Variants in MED27 observed in about 807,000 individuals in gnomAD.
MED27 encodes mediator complex subunit 27.
In MED27, 30 loss-of-function variants were observed where a neutral mutation model predicts 38.2. The observed-to-expected ratio is 0.79, with a 90% confidence interval of 0.59 to 1.07. MED27 has a LOEUF of 1.07. Ranked by LOEUF, MED27 falls within the 50% of genes least tolerant of loss-of-function variation. The pLI is 0.00. For missense variants in MED27, 289 were observed against 397.5 expected (o/e 0.73, Z 2.32); for synonymous variants, 122 against 153.5 (o/e 0.79, Z 1.52).
At chr9:131,967,445 G>C (rs1831373167) in intron 3 of MED27, among the ~76,000 whole-genome samples, 3 of 151,638 alleles carry the variant, frequency 2.0e-5, no homozygotes, top group Admixed American at 6.6e-5. Context: ...TGCACTTACG[G>C]CAGAGTCTCC....
At chr9:131,882,582 G>A (rs182168315) in intron 6 of MED27, among the ~76,000 whole-genome samples, 164 of 152,280 alleles carry the variant, frequency 1.1e-3, no homozygotes, top group Non-Finnish European at 1.4e-3. Flanking sequence ...TGTAAATCCC[G>A]TCAGTGGTTT....
chr9:132,072,788 C>G (rs1393381950), intron 2 of MED27, among the ~76,000 whole-genome samples: 1 of 152,040 alleles, frequency 6.6e-6, no homozygotes, highest in Non-Finnish European at 1.5e-5. Flanking sequence ...GATTTTCTCT[C>G]CTATTATATT....
intron 4 of MED27, among the ~76,000 whole-genome samples, chr9:131,919,894 C>T (rs184604977): frequency 5.3e-4 from 81 of 151,784 alleles, no homozygotes; most frequent in East Asian, 4.3e-3. Flanking sequence ...CTGCAACCTC[C>T]ACCTCCGGGG....
intron 3 of MED27, among the ~76,000 whole-genome samples, chr9:131,950,833 G>C (rs557152336): frequency 1.3e-5 from 2 of 152,216 alleles, no homozygotes; most frequent in Admixed American, 1.3e-4. Context: ...CAATAAACAT[G>C]TGGTGAACGG....
chr9:132,078,049 T>C (rs1361316039), intron 1 of MED27, among the ~76,000 whole-genome samples: 1 of 152,194 alleles, frequency 6.6e-6, no homozygotes, highest in African/African-American at 2.4e-5. Flanking sequence ...ACATGATGCT[T>C]CACAGATGGT....
chr9:132,058,689 T>C (rs750290441), intron 2 of MED27, among the ~76,000 whole-genome samples: 9 of 152,222 alleles, frequency 5.9e-5, no homozygotes, highest in Non-Finnish European at 1.2e-4. Context: ...AACAGACTCC[T>C]ATAGAAGGTC....
At chr9:132,020,718 T>TCC (rs1832699105) in intron 2 of MED27, among the ~76,000 whole-genome samples, 1 of 152,228 alleles carries the variant, frequency 6.6e-6, no homozygotes, top group Non-Finnish European at 1.5e-5. Flanking sequence ...TCTGGTATTA[T>TCC]CTGTGCCAAG....
intron 4 of MED27, among the ~76,000 whole-genome samples, chr9:131,901,295 G>T (rs980706294): frequency 6.6e-6 from 1 of 152,222 alleles, no homozygotes; most frequent in Admixed American, 6.5e-5. Context: ...TCTGTACTGT[G>T]TGCAACACTG....
intron 5 of MED27, among the ~76,000 whole-genome samples, chr9:131,888,478 C>T (rs1405145265): frequency 1.3e-5 from 2 of 151,732 alleles, no homozygotes; most frequent in African/African-American, 4.8e-5. Context: ...CTTCTGGGAG[C>T]ATAGTTCTGC....
chr9:131,896,629 C>A (rs1829836909), intron 4 of MED27, among the ~76,000 whole-genome samples: 1 of 151,976 alleles, frequency 6.6e-6, no homozygotes, highest in African/African-American at 2.4e-5. Flanking sequence ...AGATAATCAC[C>A]ATTAACATTT....
At chr9:132,040,447 G>A (rs764660392) in intron 2 of MED27, among the ~76,000 whole-genome samples, 3 of 152,174 alleles carry the variant, frequency 2.0e-5, no homozygotes, top group Admixed American at 1.3e-4. Flanking sequence ...GGTCTTAGGC[G>A]GCTCCACATG....
chr9:131,950,732 ATAGTCATT>A (rs1268481528), intron 3 of MED27, among the ~76,000 whole-genome samples: 1 of 152,212 alleles, frequency 6.6e-6, no homozygotes, highest in African/African-American at 2.4e-5. Context: ...AGTAAGTTTG[ATAGTCATT>A]CATCAGACAA....
chr9:131,886,228 G>A (rs1368979932), intron 5 of MED27, among the ~76,000 whole-genome samples: 2 of 152,174 alleles, frequency 1.3e-5, no homozygotes. Context: ...TTCACAATTA[G>A]TTTCATGAAA....
At position 132,055,027 on chromosome 9, in the gene MED27, A is replaced by G. The variant is rs1481511905; in HGVS notation, c.348+22415T>C. Among the ~76,000 whole-genome samples, 3 of 151,834 alleles carry G rather than the reference A, an allele frequency of 2.0e-5. No homozygotes were observed. In the East Asian group the frequency reaches 5.8e-4, roughly 29 times the overall value. On this transcript the variant is annotated intron_variant, in intron 2 of 7. Coordinates refer to ENST00000292035, the MANE Select transcript of MED27 (RefSeq NM_004269.4). ...CGCTTTCTTTGACCATCCCAGCCTC[A>G]CTGCTCCCTCCTGCTGTGTACCCTG...
Position 131,886,006 on chromosome 9 carries a change from T to C in MED27, c.682-1907A>G, listed in dbSNP as rs920501605. On this transcript the variant is annotated intron_variant, in intron 5 of 7. Transcript: ENST00000292035. The stretch of plus-strand genomic sequence containing the variant: ...AGGCCTGTGTGGTGTGTGATTGATT[T>C]TGGAACACCAGAAAGCATTGGGAAG... 4.6e-5 allele frequency among the ~76,000 whole-genome samples: 7 copies of C among 152,130 alleles called. No individual in the cohort carries two copies. In the South Asian group the frequency reaches 6.2e-4, roughly 14 times the overall value.
chr9:131,986,334 T>C (rs966783318), intron 3 of MED27, among the ~76,000 whole-genome samples: 2 of 152,076 alleles, frequency 1.3e-5, no homozygotes, highest in East Asian at 1.9e-4. Flanking sequence ...GGGTGTACCA[T>C]TTTTTATCTT....
intron 3 of MED27, among the ~76,000 whole-genome samples, chr9:131,983,942 CA>C (rs951215541): frequency 1.6e-4 from 24 of 152,142 alleles, no homozygotes; most frequent in Admixed American, 2.6e-4. Flanking sequence ...CATGCAGCTC[CA>C]ACTGATCCAG....
At position 131,880,664 on chromosome 9, in the gene MED27, C is replaced by A. The variant is rs577707669; in HGVS notation, c.723+3394G>T. On this transcript the variant is annotated intron_variant, in intron 6 of 7. Transcript: ENST00000292035. ...ACACAGACTGGAAGGAAGGAATTGG[C>A]GGATGCTCCTAAATCTCTCCAACTA... Among the ~76,000 whole-genome samples, 6 of 152,276 alleles carry A rather than the reference C, an allele frequency of 3.9e-5. 1 individual carries two copies. The highest frequency in any genetic ancestry group is 3.4e-3 in the Middle Eastern group (1 of 292).
intron 3 of MED27, among the ~76,000 whole-genome samples, chr9:131,985,012 T>C (rs576976968): frequency 2.4e-4 from 37 of 152,340 alleles, no homozygotes; most frequent in African/African-American, 5.3e-4. Flanking sequence ...GGGTTTAATT[T>C]TGGGGACAAT....
Sources: gnomAD v4.1 joint callset for allele counts (sites outside exome capture counted in the v4.1 genomes callset) on GRCh38, gnomAD v4.1.1 for gene constraint, MANE v1.5 for transcripts, NCBI Gene and HGNC (gene_info 2026-07-23, HGNC 2026-07-21) for gene names.